KIRREL3: variants seen among roughly 807,000 people sequenced by gnomAD.
KIRREL3 encodes the protein kirre like nephrin family adhesion molecule 3.
Under a neutral mutation model 89.7 loss-of-function variants are expected in KIRREL3, and 36 were observed. The ratio of observed to expected loss-of-function variants is 0.40; its 90% confidence interval spans 0.31 to 0.53. The LOEUF is 0.53. Ranked by LOEUF, KIRREL3 falls within the 20% of genes least tolerant of loss-of-function variation. The probability of loss-of-function intolerance (pLI) is 0.49; values close to 1 mark genes in which losing one functional copy is unlikely to be tolerated. For missense variants in KIRREL3, 864 were observed against 1,056.6 expected (o/e 0.82, Z 2.53); for synonymous variants, 445 against 441.4 (o/e 1.01, Z -0.10).
At chr11:126,992,107 C>T (rs1950049321) in intron 1 of KIRREL3, among the ~76,000 whole-genome samples, 1 of 152,288 alleles carries the variant, frequency 6.6e-6, no homozygotes, top group African/African-American at 2.4e-5. Context: ...CTAACAACAC[C>T]CTCAACAACC....
Position 126,495,031 on chromosome 11 carries a change from G to A in KIRREL3, c.434-21565C>T, listed in dbSNP as rs950641814. On this transcript the variant is annotated intron_variant, in intron 4 of 16. Coordinates refer to ENST00000525144, the MANE Select transcript of KIRREL3 (RefSeq NM_032531.4). This position sits in a 1 kb window ranked among gnomAD's most constrained non-coding sequence, Gnocchi z 6.5. ...AGGAGTGAGAGGTTCAACCAGGGTG[G>A]CTAGGCTGTGCACTGGCCAATTCCA... is the stretch of plus-strand genomic sequence containing the variant. Among the ~76,000 whole-genome samples the A allele has an allele frequency of 6.6e-6, 1 of 152,226 alleles. No homozygotes were observed. The highest frequency in any genetic ancestry group is 1.5e-5 in the Non-Finnish European group (1 of 68,028).
At chr11:126,436,209 G>A (rs145716490) in intron 12 of KIRREL3, among the ~76,000 whole-genome samples, 2,953 of 152,318 alleles carry the variant, frequency 0.019, 41 homozygotes, top group Middle Eastern at 0.048. Flanking sequence ...TGCCTTTGAG[G>A]TACAGGGGTC....
chr11:126,498,935 C>T lies in KIRREL3; in HGVS notation c.433+22380G>A, dbSNP rs1293977898. Among the ~76,000 whole-genome samples the T allele has an allele frequency of 2.6e-5, 4 of 152,070 alleles. No homozygotes were observed. Among genetic ancestry groups the T allele is most frequent in the African/African-American group, 4.8e-5 (2 of 41,408 alleles). Reference sequence around the variant, plus strand: ...ATCCCAGCACTTTGGGAGGTGGAGGCGGGTGGATCACCTGAGGTCATGAGT... The same window carrying T: ...ATCCCAGCACTTTGGGAGGTGGAGGTGGGTGGATCACCTGAGGTCATGAGT... On this transcript the variant is annotated intron_variant, in intron 4 of 16. Coordinates refer to ENST00000525144, the MANE Select transcript of KIRREL3 (RefSeq NM_032531.4). The surrounding 1 kb of genome is among the most constrained non-coding windows in gnomAD (Gnocchi z 4.3).
Position 126,766,590 on chromosome 11 carries a change from T to C in KIRREL3, c.56-203678A>G, listed in dbSNP as rs1323271487. Among the ~76,000 whole-genome samples, 1 of 152,166 alleles carries C rather than the reference T, an allele frequency of 6.6e-6. No homozygotes were observed. The highest frequency in any genetic ancestry group is 1.5e-5 in the Non-Finnish European group (1 of 68,032). On this transcript the variant is annotated intron_variant, in intron 1 of 16. Transcript: ENST00000525144. This position sits in a 1 kb window ranked among gnomAD's most constrained non-coding sequence, Gnocchi z 4.2. Reference sequence around the variant, plus strand: ...TGGGGAACCATCCAAAAGAGATTATTGTGCCTCATGGTGGCGCCAGTAGTA... The same window carrying C: ...TGGGGAACCATCCAAAAGAGATTATCGTGCCTCATGGTGGCGCCAGTAGTA...
intron 1 of KIRREL3, among the ~76,000 whole-genome samples, chr11:126,884,522 C>G (rs902609383): frequency 5.5e-4 from 84 of 152,156 alleles, no homozygotes; most frequent in African/African-American, 1.9e-3. Flanking sequence ...GGGAAAATAG[C>G]TAGGAGAGGT....
chr11:126,688,886 C>T (rs936805634), intron 1 of KIRREL3, among the ~76,000 whole-genome samples: 5 of 151,818 alleles, frequency 3.3e-5, no homozygotes, highest in South Asian at 4.2e-4. Flanking sequence ...CTCTTTAGGC[C>T]CTGAAGAGGA....
rs921753701 is a variant in KIRREL3, at chr11:126,954,472, C to A, written c.55+45983G>T. 7.2e-5 allele frequency among the ~76,000 whole-genome samples: 11 copies of A among 152,086 alleles called. No homozygotes were observed. Among genetic ancestry groups the A allele is most frequent in the Non-Finnish European group, 1.5e-4 (10 of 68,028 alleles). ...GGGCCCTCAGAAATGCTTAATTATG[C>A]CCTGCCTTTCTTGTTCCTCCTGTCT... On this transcript the variant is annotated intron_variant, in intron 1 of 16. Transcript: ENST00000525144. This position sits in a 1 kb window ranked among gnomAD's most constrained non-coding sequence, Gnocchi z 4.1.
At chr11:126,549,794 A>G (rs1254652154) in intron 2 of KIRREL3, 1 of 152,168 alleles carries the variant, frequency 6.6e-6, no homozygotes, top group African/African-American at 2.4e-5. Context: ...GAATGCGAAA[A>G]CTGCAGCCTC....
rs1955099715 is a variant in KIRREL3 at position 126,430,767 on chromosome 11, A to G, written c.1696+652T>C. Among the ~76,000 whole-genome samples, 1 of 152,164 alleles carries G rather than the reference A, an allele frequency of 6.6e-6. No individual in the cohort carries two copies. The highest frequency in any genetic ancestry group is 1.5e-5 in the Non-Finnish European group (1 of 68,032). The stretch of plus-strand genomic sequence containing the variant: ...TAAATGAGGAGACAGGCCTGGAATA[A>G]CTGTGGCTGGCCCAGGGTCATGTGG... On this transcript the variant is annotated intron_variant, in intron 14 of 16. Transcript: ENST00000525144. This position sits in a 1 kb window ranked among gnomAD's most constrained non-coding sequence, Gnocchi z 6.6.
Position 126,729,498 on chromosome 11 carries a change from T to C in KIRREL3, c.56-166586A>G, listed in dbSNP as rs1948525997. Among the ~76,000 whole-genome samples the C allele has an allele frequency of 6.6e-6, 1 of 152,140 alleles. No homozygotes were observed. The highest frequency in any genetic ancestry group is 1.5e-5 in the Non-Finnish European group (1 of 68,012). On this transcript the variant is annotated intron_variant, in intron 1 of 16. Coordinates refer to ENST00000525144, the MANE Select transcript of KIRREL3 (RefSeq NM_032531.4). The surrounding 1 kb of genome is among the most constrained non-coding windows in gnomAD (Gnocchi z 4.5). ...GTCACAGGGGGAGTCAAAGGGTCAATAGGTGCTTCTCCTTTGCAGCCTCAG... is the reference window on the plus strand; with the variant it reads ...GTCACAGGGGGAGTCAAAGGGTCAACAGGTGCTTCTCCTTTGCAGCCTCAG...
intron 1 of KIRREL3, among the ~76,000 whole-genome samples, chr11:126,572,525 A>T (rs1941006265): frequency 6.6e-6 from 1 of 152,060 alleles, no homozygotes; most frequent in East Asian, 2.0e-4. Context: ...TCCCAATGTC[A>T]TGCACACAGC....
rs1363619335 is a variant in KIRREL3 at position 126,569,091 on chromosome 11, CAG to C, written c.56-6181_56-6180del. ...AAGAAGAGACAGTGGTGCTAAGTGA[CAG>C]AGTGGGTCAAGCAGAGGAAGAGGGC... On this transcript the variant is annotated intron_variant, in intron 1 of 16. Transcript: ENST00000525144. This position sits in a 1 kb window ranked among gnomAD's most constrained non-coding sequence, Gnocchi z 6.5. 2.6e-5 allele frequency among the ~76,000 whole-genome samples: 4 copies of C among 151,940 alleles called. No homozygotes were observed. The highest frequency in any genetic ancestry group is 9.7e-5 in the African/African-American group (4 of 41,354).
chr11:126,956,123 C>A (rs1948914920), intron 1 of KIRREL3, among the ~76,000 whole-genome samples: 1 of 152,170 alleles, frequency 6.6e-6, no homozygotes, highest in Non-Finnish European at 1.5e-5. Context: ...TGCCGCCTCT[C>A]TACTTCAGTC....
At position 126,872,314 on chromosome 11, in the gene KIRREL3, C is replaced by T. The variant is rs527285019; in HGVS notation, c.55+128141G>A. On this transcript the variant is annotated intron_variant, in intron 1 of 16. Transcript: ENST00000525144. This position sits in a 1 kb window ranked among gnomAD's most constrained non-coding sequence, Gnocchi z 4.2. ...TTTTCTAGAAAGATCTAAGTAACCA[C>T]CTCTTAATTTGCATGTAAATAAAGG... 1.3e-5 allele frequency among the ~76,000 whole-genome samples: 2 copies of T among 152,334 alleles called. No individual in the cohort carries two copies. Among genetic ancestry groups the T allele is most frequent in the East Asian group, 1.9e-4 (1 of 5,188 alleles).
chr11:126,909,225 G>A lies in KIRREL3; in HGVS notation c.55+91230C>T, dbSNP rs574048335. Among the ~76,000 whole-genome samples, 48 of 152,182 alleles carry A rather than the reference G, an allele frequency of 3.2e-4. No homozygotes were observed. The highest frequency in any genetic ancestry group is 3.9e-4 in the Admixed American group (6 of 15,292). ...TCTCAGGCAGGGAAGGAATGGGGTCGGAGAGGGAGGAGTTCATGGGAGGTG... is the reference window on the plus strand; with the variant it reads ...TCTCAGGCAGGGAAGGAATGGGGTCAGAGAGGGAGGAGTTCATGGGAGGTG... On this transcript the variant is annotated intron_variant, in intron 1 of 16. Coordinates refer to ENST00000525144, the MANE Select transcript of KIRREL3 (RefSeq NM_032531.4). This position sits in a 1 kb window ranked among gnomAD's most constrained non-coding sequence, Gnocchi z 4.5.
At chr11:126,479,920 G>A (rs995142687) in intron 4 of KIRREL3, among the ~76,000 whole-genome samples, 4 of 152,144 alleles carry the variant, frequency 2.6e-5, no homozygotes, top group South Asian at 2.1e-4. Context: ...CTCTCTGAGC[G>A]GCCTTTCTAG....
intron 1 of KIRREL3, among the ~76,000 whole-genome samples, chr11:126,882,228 G>A (rs920035238): frequency 6.6e-6 from 1 of 152,178 alleles, no homozygotes. Context: ...TTGTTAAAGT[G>A]TAAGCAGGTG....
rs1208455000 is a variant in KIRREL3 at position 126,601,892 on chromosome 11, A to G, written c.56-38980T>C. ...CTGAGAACCGTGCATACGGGACAGC[A>G]TGAGTTTTAGGAGACAAGGGGTCCT... On this transcript the variant is annotated intron_variant, in intron 1 of 16. Coordinates refer to ENST00000525144, the MANE Select transcript of KIRREL3 (RefSeq NM_032531.4). This position sits in a 1 kb window ranked among gnomAD's most constrained non-coding sequence, Gnocchi z 5.8. Among the ~76,000 whole-genome samples, 1 of 152,174 alleles carries G rather than the reference A, an allele frequency of 6.6e-6. No individual in the cohort carries two copies. Among genetic ancestry groups the G allele is most frequent in the Non-Finnish European group, 1.5e-5 (1 of 68,034 alleles).
In KIRREL3 at chr11:126,892,298, G is replaced by A. The variant is rs1175248666; in HGVS notation, c.55+108157C>T. Among the ~76,000 whole-genome samples, 1 of 152,034 alleles carries A rather than the reference G, an allele frequency of 6.6e-6. No homozygotes were observed. Among genetic ancestry groups the A allele is most frequent in the Non-Finnish European group, 1.5e-5 (1 of 68,016 alleles). On this transcript the variant is annotated intron_variant, in intron 1 of 16. Transcript: ENST00000525144. The surrounding 1 kb of genome is among the most constrained non-coding windows in gnomAD (Gnocchi z 5.4). The stretch of plus-strand genomic sequence containing the variant: ...ACCCTCCTGCTCAGCAGAAGCTGAG[G>A]GACTCCAGGGGACCCCAGCCCTCCT...
Sources: allele counts gnomAD v4.1 joint callset (sites outside exome capture counted in the v4.1 genomes callset), GRCh38; gene constraint gnomAD v4.1.1; non-coding constraint Gnocchi (gnomAD v3.1); transcripts MANE v1.5; gene names NCBI Gene and HGNC (gene_info 2026-07-23, HGNC 2026-07-21).